HSPBAP1: variants seen among roughly 807,000 people sequenced by gnomAD.
HSPBAP1 encodes HSPB1 associated protein 1.
HSPBAP1 carries 27 observed loss-of-function variants against 45.2 expected under a neutral mutation model. The observed-to-expected ratio is 0.60, with a 90% CI of 0.44 to 0.82. HSPBAP1 has a LOEUF of 0.82. Among genes scored for constraint, HSPBAP1 ranks in the 40% least tolerant of loss-of-function variants. The pLI, the probability that HSPBAP1 is intolerant of heterozygous loss-of-function variation, is 0.00. For synonymous variants in HSPBAP1, 204 were observed against 202.7 expected, an observed-to-expected ratio of 1.01 and a Z score of -0.06; for missense variants, 510 against 590.9, an observed-to-expected ratio of 0.86 and a Z score of 1.42.
intron 1 of HSPBAP1, among the ~76,000 whole-genome samples, chr3:122,790,797 C>A (rs995893776): frequency 6.6e-6 from 1 of 152,148 alleles, no homozygotes; most frequent in African/African-American, 2.4e-5. Context: ...GCCTACGGAA[C>A]ATTGTGAGAC....
At chr3:122,787,319 C>A (rs1289105635) in intron 1 of HSPBAP1, among the ~76,000 whole-genome samples, 1 of 152,062 alleles carries the variant, frequency 6.6e-6, no homozygotes, top group African/African-American at 2.4e-5. Flanking sequence ...AATTTGAAAC[C>A]TAATTTCTCT....
intron 1 of HSPBAP1, among the ~76,000 whole-genome samples, chr3:122,779,636 T>C (rs1935337673): frequency 1.3e-5 from 2 of 150,994 alleles, no homozygotes; most frequent in South Asian, 4.2e-4. Flanking sequence ...CTGGTTTTCC[T>C]AGGCAGAGGA....
intron 1 of HSPBAP1, among the ~76,000 whole-genome samples, chr3:122,792,013 T>C (rs555038539): frequency 6.6e-6 from 1 of 152,254 alleles, no homozygotes; most frequent in African/African-American, 2.4e-5. Flanking sequence ...TACGGTCTGA[T>C]AGTGAAAGGA....
chr3:122,746,942 CG>C (rs1323009529), intron 6 of HSPBAP1, among the ~76,000 whole-genome samples: 1 of 151,956 alleles, frequency 6.6e-6, no homozygotes, highest in Non-Finnish European at 1.5e-5. Flanking sequence ...GACGGAGTCT[CG>C]TTCACTCAGT....
At chr3:122,747,184 C>A (rs1933904457) in intron 6 of HSPBAP1, among the ~76,000 whole-genome samples, 1 of 151,850 alleles carries the variant, frequency 6.6e-6, no homozygotes, top group Non-Finnish European at 1.5e-5. Flanking sequence ...CTCTGCCCGG[C>A]CGCCATCCCA....
chr3:122,781,329 G>A (rs1443768068), intron 1 of HSPBAP1, among the ~76,000 whole-genome samples: 1 of 152,386 alleles, frequency 6.6e-6, no homozygotes, highest in South Asian at 2.1e-4. Context: ...GAGGCTGGAG[G>A]ATCACTCGTG....
At chr3:122,782,164 C>G (rs984007911) in intron 1 of HSPBAP1, among the ~76,000 whole-genome samples, 2 of 152,182 alleles carry the variant, frequency 1.3e-5, no homozygotes, top group African/African-American at 4.8e-5. Context: ...TCTTGAACAA[C>G]TAGAGTTGCT....
intron 6 of HSPBAP1, among the ~76,000 whole-genome samples, chr3:122,745,585 C>T (rs1310592882): frequency 6.6e-6 from 1 of 152,180 alleles, no homozygotes; most frequent in Non-Finnish European, 1.5e-5. Context: ...ACACAGTATA[C>T]ATCACCTGCC....
At chr3:122,790,520 T>G (rs958530085) in intron 1 of HSPBAP1, among the ~76,000 whole-genome samples, 1 of 152,234 alleles carries the variant, frequency 6.6e-6, no homozygotes, top group Non-Finnish European at 1.5e-5. Context: ...CATCTGACCT[T>G]TAGGATATGT....
Position 122,757,096 on chromosome 3 carries a change from G to T in HSPBAP1, c.570-1665C>A, listed in dbSNP as rs140820559. ...TATTTCCCAAAGGAACAGCCATAAT[G>T]ATAACCATCCCATCCAATCTGCTTT... On this transcript the variant is annotated intron_variant, in intron 4 of 7. Transcript: ENST00000306103. Among the ~76,000 whole-genome samples, 374 of 152,220 alleles carry T rather than the reference G, an allele frequency of 2.5e-3. 3 individuals carry two copies. The highest frequency in any genetic ancestry group is 7.5e-3 in the African/African-American group (310 of 41,498).
At chr3:122,770,352 A>T (rs1934946145) in intron 2 of HSPBAP1, among the ~76,000 whole-genome samples, 1 of 152,240 alleles carries the variant, frequency 6.6e-6, no homozygotes, top group African/African-American at 2.4e-5. Flanking sequence ...CAATTTTTGT[A>T]AAGCACTTAG....
chr3:122,781,455 T>A (rs897571989), intron 1 of HSPBAP1, among the ~76,000 whole-genome samples: 1 of 149,410 alleles, frequency 6.7e-6, no homozygotes. Flanking sequence ...CTCGGCAGGC[T>A]GAGGCAGGAG....
At chr3:122,742,702 T>G (rs954022821) in intron 6 of HSPBAP1, among the ~76,000 whole-genome samples, 27 of 152,212 alleles carry the variant, frequency 1.8e-4, no homozygotes, top group Non-Finnish European at 2.8e-4. Context: ...CTTACCCAAT[T>G]AGTTGAAGTC....
chr3:122,785,940 G>T (rs927826278), intron 1 of HSPBAP1, among the ~76,000 whole-genome samples: 6 of 151,982 alleles, frequency 3.9e-5, no homozygotes, highest in African/African-American at 1.5e-4. Context: ...TATGGAAGTT[G>T]CGAGTCAGCC....
intron 1 of HSPBAP1, among the ~76,000 whole-genome samples, chr3:122,785,775 T>C (rs928743913): frequency 6.6e-6 from 1 of 152,200 alleles, no homozygotes; most frequent in African/African-American, 2.4e-5. Context: ...CTAAAGAACT[T>C]TGGGCAACAG....
At chr3:122,781,612 T>C (rs905722170) in intron 1 of HSPBAP1, among the ~76,000 whole-genome samples, 1 of 152,102 alleles carries the variant, frequency 6.6e-6, no homozygotes, top group Non-Finnish European at 1.5e-5. Flanking sequence ...TTTTAACCCT[T>C]GCTCCTCTCT....
rs772762988 is a variant in HSPBAP1 at position 122,745,622 on chromosome 3, T to C, written c.826-4509A>G. Among the ~76,000 whole-genome samples, 82 of 152,340 alleles carry C rather than the reference T, an allele frequency of 5.4e-4. 1 individual carries two copies. The highest frequency in any genetic ancestry group is 3.8e-4 in the Non-Finnish European group (26 of 68,028). On this transcript the variant is annotated intron_variant, in intron 6 of 7. Transcript: ENST00000306103. ...CTGAGTCACTCAGTAGTTAGCTCAGTGATCAGATCACTGTCATGGTATTTG... is the reference window on the plus strand; with the variant it reads ...CTGAGTCACTCAGTAGTTAGCTCAGCGATCAGATCACTGTCATGGTATTTG...
intron 1 of HSPBAP1, 144 bp downstream of exon 1, chr3:122,793,473 G>A (rs1417177402): frequency 4.3e-6 from 3 of 700,538 alleles, no homozygotes; most frequent in Non-Finnish European, 7.5e-6. Flanking sequence ...ACGCTCACTA[G>A]AAAATATAGA....
intron 1 of HSPBAP1, among the ~76,000 whole-genome samples, chr3:122,789,178 G>GAA (rs1404109271): frequency 1.3e-5 from 2 of 152,070 alleles, no homozygotes; most frequent in Admixed American, 6.5e-5. Flanking sequence ...AACTGAAAAA[G>GAA]ATAAATCCAG....
Sources: allele counts gnomAD v4.1 joint callset (sites outside exome capture counted in the v4.1 genomes callset), GRCh38; gene constraint gnomAD v4.1.1; transcripts MANE v1.5; gene names NCBI Gene and HGNC (gene_info 2026-07-23, HGNC 2026-07-21).